Variants in TMEM235 observed in about 807,000 individuals in gnomAD.
TMEM235 encodes transmembrane protein 235.
TMEM235 carries 23 observed loss-of-function variants against 22.9 expected under a neutral mutation model. That is an observed-to-expected ratio of 1.00 (90% CI 0.72 to 1.42). TMEM235 has a LOEUF of 1.42. Ranked by LOEUF, TMEM235 falls within the 40% of genes most tolerant of loss-of-function variation. The pLI, the probability that TMEM235 is intolerant of heterozygous loss-of-function variation, is 0.00. For missense variants in TMEM235, 308 were observed against 299.5 expected (o/e 1.03, Z -0.21); for synonymous variants, 137 against 140.5 (o/e 0.98, Z 0.17).
At chr17:78,236,073 G>A (rs139065138) in intron 4 of TMEM235, among the ~76,000 whole-genome samples, 125 of 152,326 alleles carry the variant, frequency 8.2e-4, no homozygotes, top group African/African-American at 2.9e-3. Context: ...ATGCGATTCG[G>A]GCCGGGACAC....
At chr17:78,231,974 C>T (rs2076585770) in exon 2 of TMEM235, 4 of 1,074,666 alleles carry the variant, frequency 3.7e-6, no homozygotes, top group Middle Eastern at 4.2e-4. Flanking sequence ...CCCCCCGCCG[C>T]CCCCGGGGCC....
chr17:78,237,816 G>A lies in TMEM235; in HGVS notation c.410-1208G>A, dbSNP rs565619697. Among the ~76,000 whole-genome samples the A allele has an allele frequency of 5.3e-5, 8 of 152,150 alleles. No individual in the cohort carries two copies. Among genetic ancestry groups the A allele is most frequent in the South Asian group, 4.2e-4 (2 of 4,812 alleles). ...ACGCTGCCCAGCCGGGCAGGCATCC[G>A]TGTGTCCTCCCTCCCTCAGCCTCCC... On this transcript the variant is annotated intron_variant, in intron 4 of 5. Coordinates refer to ENST00000421688, the Ensembl canonical transcript of TMEM235. This position sits in a 1 kb window ranked among gnomAD's most constrained non-coding sequence, Gnocchi z 4.7.
chr17:78,232,146 T>A, exon 2 of TMEM235: 1 of 1,487,522 alleles, frequency 6.7e-7, no homozygotes, highest in Non-Finnish European at 8.9e-7. Flanking sequence ...ACGCCGGCAA[T>A]GGCAGCGCCT....
At chr17:78,234,080 G>A in intron 3 of TMEM235, 105 bp downstream of exon 2, 1 of 1,070,578 alleles carries the variant, frequency 9.3e-7, no homozygotes, top group Non-Finnish European at 1.3e-6. Flanking sequence ...CACTGCCCCT[G>A]CGTTTCCAAG....
chr17:78,234,522 T>C (rs1250995211), intron 3 of TMEM235, 71 bp from the exon 3 acceptor site: 5 of 1,526,042 alleles, frequency 3.3e-6, no homozygotes, highest in Non-Finnish European at 4.4e-6. Context: ...ACCACGTCAC[T>C]GTCCTCCGGC....
At chr17:78,231,634 C>G in exon 2 of TMEM235, 1 of 1,301,896 alleles carries the variant, frequency 7.7e-7, no homozygotes, top group South Asian at 1.2e-5. Flanking sequence ...TCCTCTCAAG[C>G]CCTGCACAGC....
chr17:78,238,141 G>A lies in TMEM235; in HGVS notation c.410-883G>A, dbSNP rs141396484. On this transcript the variant is annotated intron_variant, in intron 4 of 5. Coordinates refer to ENST00000421688, the Ensembl canonical transcript of TMEM235. The surrounding 1 kb of genome is among the most constrained non-coding windows in gnomAD (Gnocchi z 4.3). Reference sequence around the variant, plus strand: ...ATCAGCCTGAAGCTGTGGGAAGGGGGTGGCACTCCGGGCTGGTTCCTCCAA... The same window carrying A: ...ATCAGCCTGAAGCTGTGGGAAGGGGATGGCACTCCGGGCTGGTTCCTCCAA... 6.6e-6 allele frequency among the ~76,000 whole-genome samples: 1 copy of A among 152,232 alleles called. No homozygotes were observed. The highest frequency in any genetic ancestry group is 1.9e-4 in the East Asian group (1 of 5,198).
chr17:78,232,315 G>C, intron 2 of TMEM235, 102 bp downstream of exon 1: 1 of 1,156,374 alleles, frequency 8.6e-7, no homozygotes. Context: ...CCCCCTTCCA[G>C]GACCCCTCTC....
rs560919587 is a variant in TMEM235, at chr17:78,238,134, G to A, written c.410-890G>A. Among the ~76,000 whole-genome samples the A allele has an allele frequency of 2.6e-4, 39 of 152,350 alleles. No individual in the cohort carries two copies. The highest frequency in any genetic ancestry group is 9.1e-4 in the African/African-American group (38 of 41,578). Reference sequence around the variant, plus strand: ...CTTTCTCATCAGCCTGAAGCTGTGGGAAGGGGGTGGCACTCCGGGCTGGTT... The same window carrying A: ...CTTTCTCATCAGCCTGAAGCTGTGGAAAGGGGGTGGCACTCCGGGCTGGTT... On this transcript the variant is annotated intron_variant, in intron 4 of 5. Coordinates refer to ENST00000421688, the Ensembl canonical transcript of TMEM235. This position sits in a 1 kb window ranked among gnomAD's most constrained non-coding sequence, Gnocchi z 4.3.
At chr17:78,233,859 G>A (rs972237560) in intron 2 of TMEM235, 36 bp from the exon 2 acceptor site, 56 of 1,532,408 alleles carry the variant, frequency 3.7e-5, no homozygotes, top group African/African-American at 2.1e-4. Context: ...GCACCACAGC[G>A]TCCAGGCCCC....
At position 78,238,884 on chromosome 17, in the gene TMEM235, C is replaced by A; in HGVS notation, c.410-140C>A. On this transcript the variant is annotated intron_variant, in intron 4 of 5. Coordinates refer to ENST00000421688, the Ensembl canonical transcript of TMEM235. This position sits in a 1 kb window ranked among gnomAD's most constrained non-coding sequence, Gnocchi z 4.3. ...GACAGCCAGGCAGGGCTAACCATGA[C>A]AGGAAGGGCGGTGTGCTGCCTGCAG... 3 of 1,331,312 alleles carry A rather than the reference C, an allele frequency of 2.3e-6. No individual in the cohort carries two copies. The highest frequency in any genetic ancestry group is 1.5e-5 in the African/African-American group (1 of 68,002). The allele number at this position is 1,331,312 out of a possible 1,614,324, so 82.5% of individuals were successfully genotyped here. A position where few individuals can be genotyped will look rare whatever the true frequency, so the allele number is the denominator to read the frequency against.
chr17:78,232,886 T>A (rs1451387438), intron 2 of TMEM235, among the ~76,000 whole-genome samples: 1 of 152,150 alleles, frequency 6.6e-6, no homozygotes, highest in Non-Finnish European at 1.5e-5. Context: ...AGCACCTGGC[T>A]GTGTATGTAA....
chr17:78,234,949 T>C (rs2076627320), intron 4 of TMEM235, among the ~76,000 whole-genome samples: 2 of 152,220 alleles, frequency 1.3e-5, no homozygotes, highest in African/African-American at 4.8e-5. Context: ...TGAGACTGCG[T>C]AATTTATAAA....
At chr17:78,239,449 G>C (rs2076684675) in intron 5 of TMEM235, among the ~76,000 whole-genome samples, 176 bp downstream of exon 4, 1 of 152,218 alleles carries the variant, frequency 6.6e-6, no homozygotes, top group Non-Finnish European at 1.5e-5. Flanking sequence ...ATGTTTCTCT[G>C]TAGATATTTG....
At chr17:78,236,031 G>A (rs1440249898) in intron 4 of TMEM235, among the ~76,000 whole-genome samples, 2 of 152,156 alleles carry the variant, frequency 1.3e-5, no homozygotes, top group East Asian at 1.9e-4. Flanking sequence ...CCCACCAGGC[G>A]CCCCCTCCAA....
chr17:78,236,644 G>A (rs1474090420), intron 4 of TMEM235, among the ~76,000 whole-genome samples: 4 of 152,222 alleles, frequency 2.6e-5, no homozygotes. Context: ...GCTCCTGACA[G>A]TCTGTCCTCA....
At chr17:78,235,366 C>A (rs1169182401) in intron 4 of TMEM235, among the ~76,000 whole-genome samples, 2 of 151,968 alleles carry the variant, frequency 1.3e-5, no homozygotes, top group Admixed American at 1.3e-4. Context: ...CGACTCACTG[C>A]AACCTCCGCA....
Position 78,238,188 on chromosome 17 carries a change from C to A in TMEM235, c.410-836C>A, listed in dbSNP as rs2076665050. On this transcript the variant is annotated intron_variant, in intron 4 of 5. Transcript: ENST00000421688. The surrounding 1 kb of genome is among the most constrained non-coding windows in gnomAD (Gnocchi z 4.3). ...CCAAGCTCAGTGGACAGGAAAATGC[C>A]CTGGAGGCATGGGCCGAGTCCCCTA... 6.6e-6 allele frequency among the ~76,000 whole-genome samples: 1 copy of A among 152,244 alleles called. No individual in the cohort carries two copies. Among genetic ancestry groups the A allele is most frequent in the Non-Finnish European group, 1.5e-5 (1 of 68,036 alleles).
At position 78,239,738 on chromosome 17, in the gene TMEM235, G is replaced by A. The variant is rs150502568; in HGVS notation, c.660-42G>A. 2.6e-3 allele frequency: 4,002 copies of A among 1,516,434 alleles called. 6 individuals carry two copies. Among genetic ancestry groups the A allele is most frequent in the Middle Eastern group, 0.014 (82 of 5,814 alleles). 93.9% of individuals were successfully genotyped at this position (1,516,434 alleles called of 1,614,324 possible). A position where few individuals can be genotyped will look rare whatever the true frequency, so the allele number is the denominator to read the frequency against. On this transcript the variant is annotated intron_variant, in intron 5 of 5. Transcript: ENST00000421688. ...GGGCTCCATGCTCCTCTCCAGCCCC[G>A]CAATGGCCCTACTCAATGACTACCC... is the stretch of plus-strand genomic sequence containing the variant.
Sources: gnomAD v4.1 joint callset for allele counts (sites outside exome capture counted in the v4.1 genomes callset) on GRCh38, gnomAD v4.1.1 for gene constraint, Gnocchi (gnomAD v3.1) non-coding constraint, MANE v1.5 for transcripts, NCBI Gene and HGNC (gene_info 2026-07-23, HGNC 2026-07-21) for gene names.